The following MGMT variants were observed in gnomAD, a reference collection of about 807,000 sequenced individuals.
The protein encoded by MGMT is O-6-methylguanine-DNA methyltransferase, also known as methylated-DNA--protein-cysteine methyltransferase.
MGMT carries 14 observed loss-of-function variants against 15.9 expected under a neutral mutation model. The ratio of observed to expected loss-of-function variants is 0.88; its 90% CI spans 0.58 to 1.37. The LOEUF is 1.37. Ranked by LOEUF, MGMT falls within the 40% of genes most tolerant of loss-of-function variation. The pLI, the probability that MGMT is intolerant of heterozygous loss-of-function variation, is 0.00. For synonymous variants in MGMT, 130 were observed against 118.2 expected, an observed-to-expected ratio of 1.10 and a Z score of -0.65; for missense variants, 282 against 268.1, an observed-to-expected ratio of 1.05 and a Z score of -0.36.
At chr10:129,521,533 G>A (rs545676626) in intron 1 of MGMT, among the ~76,000 whole-genome samples, 6 of 152,306 alleles carry the variant, frequency 3.9e-5, no homozygotes, top group East Asian at 1.9e-4. Flanking sequence ...GCTCACAGCC[G>A]GGGCTAGATT....
rs1471578800 is a variant in MGMT at position 129,734,332 on chromosome 10, G to A, written c.275-24870G>A. Among the ~76,000 whole-genome samples the A allele has an allele frequency of 1.3e-4, 18 of 139,516 alleles. 4 individuals carry two copies. The highest frequency in any genetic ancestry group is 7.9e-5 in the Non-Finnish European group (5 of 63,028). 91.5% of individuals were successfully genotyped at this position (139,516 alleles called of 152,430 possible). A position where few individuals can be genotyped will look rare whatever the true frequency, so the allele number is the denominator to read the frequency against. The stretch of plus-strand genomic sequence containing the variant: ...ATTCTCTTTGAAGTGATTGTGAATG[G>A]GAGTTCACTCATGATTTGGCTCTCT... On this transcript the variant is annotated intron_variant, in intron 3 of 4. Coordinates refer to ENST00000651593, the MANE Select transcript of MGMT (RefSeq NM_002412.5).
intron 2 of MGMT, among the ~76,000 whole-genome samples, chr10:129,602,228 A>T (rs954368656): frequency 6.6e-6 from 1 of 152,084 alleles, no homozygotes; most frequent in African/African-American, 2.4e-5. Flanking sequence ...AAAGTACAAA[A>T]TTTTAATAGT....
chr10:129,707,079 T>C (rs1246724463), intron 2 of MGMT, among the ~76,000 whole-genome samples: 1 of 151,788 alleles, frequency 6.6e-6, no homozygotes, highest in African/African-American at 2.4e-5. Context: ...CTGGCCAACG[T>C]GATGAAGCCA....
At chr10:129,745,912 A>T (rs1187086392) in intron 3 of MGMT, among the ~76,000 whole-genome samples, 1 of 152,102 alleles carries the variant, frequency 6.6e-6, no homozygotes, top group East Asian at 1.9e-4. Flanking sequence ...ATTTTCTCCT[A>T]GCTAGTAGTA....
At chr10:129,493,270 C>T (rs1845487621) in intron 1 of MGMT, among the ~76,000 whole-genome samples, 1 of 152,190 alleles carries the variant, frequency 6.6e-6, no homozygotes, top group African/African-American at 2.4e-5. Flanking sequence ...GCTTCTCACT[C>T]AATCAGGGCC....
In MGMT at chr10:129,611,397, C is replaced by A. The variant is rs145851837; in HGVS notation, c.125+75020C>A. Among the ~76,000 whole-genome samples the A allele has an allele frequency of 2.2e-3, 333 of 152,274 alleles. 4 individuals carry two copies. Among genetic ancestry groups the A allele is most frequent in the African/African-American group, 7.6e-3 (317 of 41,558 alleles). ...GCCACACACTTTCAAACAACCAGAT[C>A]TCTTGAGAACTCACTCACTATCATG... On this transcript the variant is annotated intron_variant, in intron 2 of 4. Transcript: ENST00000651593.
chr10:129,623,543 G>GTA (rs1361368933), intron 2 of MGMT, among the ~76,000 whole-genome samples: 4 of 152,088 alleles, frequency 2.6e-5, no homozygotes, highest in Admixed American at 2.0e-4. Flanking sequence ...ATATATGTAT[G>GTA]TATATATATA....
intron 2 of MGMT, among the ~76,000 whole-genome samples, chr10:129,648,995 C>T (rs1847427096): frequency 6.6e-6 from 1 of 152,196 alleles, no homozygotes; most frequent in Non-Finnish European, 1.5e-5. Flanking sequence ...CGTGTTCATG[C>T]TTGCGAGCTT....
chr10:129,631,651 C>T (rs1380307955), intron 2 of MGMT, among the ~76,000 whole-genome samples: 2 of 152,034 alleles, frequency 1.3e-5, no homozygotes, highest in Admixed American at 6.5e-5. Context: ...GGCAAAACCC[C>T]GTCTCCACCA....
chr10:129,731,384 A>G (rs1433956948), intron 3 of MGMT, among the ~76,000 whole-genome samples: 1 of 106,582 alleles, frequency 9.4e-6, no homozygotes, highest in Non-Finnish European at 1.8e-5. Context: ...TTTTTTTGCG[A>G]CGGAGTCTCG....
At chr10:129,551,139 G>T (rs1428200753) in intron 2 of MGMT, among the ~76,000 whole-genome samples, 1 of 152,198 alleles carries the variant, frequency 6.6e-6, no homozygotes, top group Non-Finnish European at 1.5e-5. Context: ...GGAATTCAAA[G>T]AAATAGAACA....
At chr10:129,646,737 TATATATA>T (rs1190865430) in intron 2 of MGMT, among the ~76,000 whole-genome samples, 23 of 105,180 alleles carry the variant, frequency 2.2e-4, no homozygotes, top group South Asian at 5.5e-4. Context: ...TATATATATA[TATATATA>T]TATATATATA....
chr10:129,536,846 C>T (rs750021229), intron 2 of MGMT: 2 of 152,236 alleles, frequency 1.3e-5, no homozygotes, highest in Non-Finnish European at 2.9e-5. Flanking sequence ...TCTGGAATCC[C>T]TTAACCAGGA....
intron 2 of MGMT, among the ~76,000 whole-genome samples, chr10:129,580,663 T>G (rs921752996): frequency 1.3e-5 from 2 of 152,196 alleles, no homozygotes; most frequent in Admixed American, 1.3e-4. Flanking sequence ...AAAAGGATGC[T>G]GGACAGACAT....
chr10:129,470,196 C>T (rs1306005912), intron 1 of MGMT, among the ~76,000 whole-genome samples: 2 of 152,118 alleles, frequency 1.3e-5, no homozygotes, highest in Non-Finnish European at 2.9e-5. Context: ...TTGAGCTGTG[C>T]AGGAGGGTCC....
intron 1 of MGMT, among the ~76,000 whole-genome samples, chr10:129,502,731 C>T (rs913311437): frequency 6.6e-6 from 1 of 152,078 alleles, no homozygotes; most frequent in Non-Finnish European, 1.5e-5. Flanking sequence ...GGGGAAACCA[C>T]ACGTGGGGAT....
At chr10:129,675,612 T>A (rs905041195) in intron 2 of MGMT, among the ~76,000 whole-genome samples, 1 of 151,958 alleles carries the variant, frequency 6.6e-6, no homozygotes, top group Non-Finnish European at 1.5e-5. Flanking sequence ...GGCCTGCTCT[T>A]GTTGAGGTCC....
chr10:129,553,506 G>A (rs1846181359), intron 2 of MGMT, among the ~76,000 whole-genome samples: 1 of 152,142 alleles, frequency 6.6e-6, no homozygotes, highest in South Asian at 2.1e-4. Context: ...GGGGACACGT[G>A]GTCCATTTTT....
At chr10:129,730,356 T>C (rs1476714729) in intron 3 of MGMT, among the ~76,000 whole-genome samples, 2 of 152,216 alleles carry the variant, frequency 1.3e-5, no homozygotes, top group Non-Finnish European at 1.5e-5. Flanking sequence ...TAATGTGTCA[T>C]CTGGAATCAG....
Sources: gnomAD v4.1 joint callset for allele counts (sites outside exome capture counted in the v4.1 genomes callset) on GRCh38, gnomAD v4.1.1 for gene constraint, MANE v1.5 for transcripts, NCBI Gene and HGNC (gene_info 2026-07-23, HGNC 2026-07-21) for gene names.